The following TRNT1 variants were observed in gnomAD, a reference collection of about 807,000 sequenced individuals.
TRNT1 encodes the protein tRNA nucleotidyl transferase 1, also known as CCA tRNA nucleotidyltransferase 1, mitochondrial.
TRNT1 carries 44 observed loss-of-function variants against 45.6 expected under a neutral mutation model. That is an observed-to-expected ratio of 0.97 (90% confidence interval 0.76 to 1.24). The LOEUF (loss-of-function observed/expected upper bound fraction) is 1.24. TRNT1 is among the 50% of genes most tolerant of loss of function. TRNT1 has a pLI of 0.00. For synonymous variants in TRNT1, 201 were observed against 171.4 expected, an observed-to-expected ratio of 1.17 and a Z score of -1.35; for missense variants, 633 against 504.4, an observed-to-expected ratio of 1.25 and a Z score of -2.44.
intron 2 of TRNT1, among the ~76,000 whole-genome samples, chr3:3,135,345 A>G (rs1214796025): frequency 6.6e-6 from 1 of 152,164 alleles, no homozygotes; most frequent in African/African-American, 2.4e-5. Context: ...GCCTTTGGAT[A>G]TAGCACTGAG....
intron 4 of TRNT1, among the ~76,000 whole-genome samples, chr3:3,142,758 C>T (rs3804783): frequency 0.14 from 21,613 of 152,128 alleles, 1,592 homozygotes; most frequent in Admixed American, 0.17. Flanking sequence ...TCCCCAGGGA[C>T]GGTTACAAGT....
chr3:3,131,046 A>G (rs959640964), intron 2 of TRNT1, among the ~76,000 whole-genome samples: 1 of 150,786 alleles, frequency 6.6e-6, no homozygotes, highest in Non-Finnish European at 1.5e-5. Context: ...GTGCCACTAC[A>G]CTCCAGCCTG....
At chr3:3,141,997 T>C (rs540173975) in intron 4 of TRNT1, among the ~76,000 whole-genome samples, 75 of 152,356 alleles carry the variant, frequency 4.9e-4, no homozygotes, top group Middle Eastern at 3.4e-3. Flanking sequence ...ATTAAGTAAC[T>C]TAGTTTAAGT....
At chr3:3,139,802 C>T (rs1368973035) in intron 3 of TRNT1, among the ~76,000 whole-genome samples, 2 of 152,152 alleles carry the variant, frequency 1.3e-5, no homozygotes, top group East Asian at 3.9e-4. Context: ...TCTCGACTCA[C>T]TGCAGCCTCT....
intron 2 of TRNT1, among the ~76,000 whole-genome samples, chr3:3,134,697 C>T (rs890078989): frequency 1.3e-5 from 2 of 152,006 alleles, no homozygotes; most frequent in Non-Finnish European, 2.9e-5. Context: ...AAACCCAATA[C>T]TTACCAGTGA....
chr3:3,139,419 C>G (rs115700295), intron 3 of TRNT1, among the ~76,000 whole-genome samples: 2 of 152,204 alleles, frequency 1.3e-5, no homozygotes, highest in Admixed American at 6.5e-5. Flanking sequence ...TTCTGGTGAT[C>G]GTTAACGGCT....
intron 2 of TRNT1, among the ~76,000 whole-genome samples, chr3:3,131,069 C>T (rs537429830): frequency 8.0e-5 from 12 of 150,086 alleles, no homozygotes; most frequent in South Asian, 4.2e-4. Context: ...CGACACAGAC[C>T]GTGTCTTTAA....
chr3:3,137,358 AC>A lies in TRNT1; in HGVS notation c.248del (p.Thr83MetfsTer7). ...VKPQDIDFAT[T>X]ATPTQMKEMF... is the part of the protein sequence containing the mutation. ...GCCTCAGGATATAGATTTTGCCACC[AC>A]TGCTACCCCTACTCAAATGAAGGAG... On this transcript the variant is annotated frameshift_variant, in exon 3 of 8. Transcript: ENST00000251607. LOFTEE classifies it high-confidence loss of function. The A allele has an allele frequency of 6.2e-7, 1 of 1,614,046 alleles. No individual in the cohort carries two copies. The highest frequency in any genetic ancestry group is 8.5e-7 in the Non-Finnish European group (1 of 1,179,952).
chr3:3,151,401 C>T (rs1461611611), downstream of TRNT1, among the ~76,000 whole-genome samples: 1 of 152,092 alleles, frequency 6.6e-6, no homozygotes, highest in African/African-American at 2.4e-5. Flanking sequence ...TGTTGTATTG[C>T]AGTCAAGTTA....
chr3:3,138,570 A>C (rs962346163), intron 3 of TRNT1, among the ~76,000 whole-genome samples: 3 of 150,376 alleles, frequency 2.0e-5, no homozygotes, highest in African/African-American at 4.9e-5. Context: ...TCCTTTGGAA[A>C]CTCTTATTAT....
rs767513365 is a variant in TRNT1, at chr3:3,147,563, G to T, written c.916G>T (p.Val306Phe). ...CTCATTATTCAAAGTACAAGATGAT[G>T]TCACAAAATTGGATTTGAGGTTGAA... ...LASLFKVQDD[V>F]TKLDLRLKIA... The change falls in exon 7 of 8, where the codon GTC (valine) becomes TTC (phenylalanine). Residue 306 changes from valine to phenylalanine, a missense_variant. Physicochemically the swap from Val to Phe is conservative, Grantham distance 50 (BLOSUM62 -1). Transcript: ENST00000251607. 2 of 1,613,960 alleles carry T rather than the reference G, an allele frequency of 1.2e-6. No homozygotes were observed. Among genetic ancestry groups the T allele is most frequent in the South Asian group, 2.2e-5 (2 of 91,074 alleles).
intron 5 of TRNT1, 26 bp downstream of exon 5, chr3:3,144,736 G>A (rs572905881): frequency 6.7e-7 from 1 of 1,498,900 alleles, no homozygotes. Flanking sequence ...AATAAAAAAT[G>A]ATAGTTTTAA....
At chr3:3,138,286 A>G (rs1705447460) in intron 3 of TRNT1, among the ~76,000 whole-genome samples, 1 of 152,198 alleles carries the variant, frequency 6.6e-6, no homozygotes, top group African/African-American at 2.4e-5. Context: ...CGGTTATAGA[A>G]TTCTAGGCAG....
chr3:3,149,829 A>AC (rs1448529252), downstream of TRNT1: 1 of 152,176 alleles, frequency 6.6e-6, no homozygotes, highest in African/African-American at 2.4e-5. Flanking sequence ...TTGAGTAAAC[A>AC]TTTAACCTGA....
At chr3:3,140,279 T>TAACTC (rs1705563744) in intron 3 of TRNT1, among the ~76,000 whole-genome samples, 1 of 129,176 alleles carries the variant, frequency 7.7e-6, no homozygotes, top group Non-Finnish European at 1.7e-5. Flanking sequence ...AACTCATCTT[T>TAACTC]TTTAATCATG....
chr3:3,151,496 A>G (rs1247679821), downstream of TRNT1, among the ~76,000 whole-genome samples: 1 of 94,716 alleles, frequency 1.1e-5, no homozygotes, highest in East Asian at 2.0e-4. Flanking sequence ...CAAAAAGTAA[A>G]TATTTATATT....
At chr3:3,129,438 G>GA in intron 2 of TRNT1, 1 of 443,996 alleles carries the variant, frequency 2.3e-6, no homozygotes, top group East Asian at 4.4e-5. Flanking sequence ...TTCATTGTTG[G>GA]AAGAAAGGCT....
In TRNT1 at chr3:3,140,517, A is replaced by T; in HGVS notation, c.350A>T (p.Glu117Val). 1.9e-6 allele frequency: 3 copies of T among 1,612,172 alleles called. No homozygotes were observed. Among genetic ancestry groups the T allele is most frequent in the Non-Finnish European group, 2.5e-6 (3 of 1,179,090 alleles). The change falls in exon 4 of 8, where the codon GAA (glutamate) becomes GTA (valine). Residue 117 changes from glutamate to valine, a missense_variant. Transcript: ENST00000251607. Reference protein sequence around the residue: ...KHGTITARLHEENFEITTLRI... With the variant: ...KHGTITARLHVENFEITTLRI... Reference sequence around the variant, plus strand: ...CCATGTATTTAATTGCAGCTTCATGAAGAAAATTTTGAGATTACTACACTA... The same window carrying T: ...CCATGTATTTAATTGCAGCTTCATGTAGAAAATTTTGAGATTACTACACTA...
chr3:3,144,236 C>T (rs564615781), intron 4 of TRNT1, among the ~76,000 whole-genome samples: 3 of 152,228 alleles, frequency 2.0e-5, no homozygotes, highest in Admixed American at 6.5e-5. Context: ...AATCCTGTTA[C>T]GTATTTTTTC....
Sources: gnomAD v4.1 joint callset for allele counts (sites outside exome capture counted in the v4.1 genomes callset) on GRCh38, gnomAD v4.1.1 for gene constraint, MANE v1.5 for transcripts, NCBI Gene and HGNC (gene_info 2026-07-23, HGNC 2026-07-21) for gene names.